ERCC6L: variants seen among roughly 807,000 people sequenced by gnomAD.
The protein encoded by ERCC6L is DNA excision repair protein ERCC-6-like.
In ERCC6L, 7 loss-of-function variants were observed where a neutral mutation model predicts 20.1. The observed-to-expected ratio is 0.35, with a 90% CI of 0.20 to 0.65. The LOEUF (loss-of-function observed/expected upper bound fraction) is 0.65, where lower values mean the gene tolerates loss of function less well. Ranked by LOEUF, ERCC6L falls within the 30% of genes least tolerant of loss-of-function variation. ERCC6L has a pLI of 0.69. For synonymous variants in ERCC6L, 278 were observed against 331.3 expected, an observed-to-expected ratio of 0.84 and a Z score of 1.75; for missense variants, 592 against 892.4, an observed-to-expected ratio of 0.66 and a Z score of 4.29.
At chrX:72,226,266 T>C (rs2042953128) in intron 1 of ERCC6L, among the ~76,000 whole-genome samples, 1 of 111,516 alleles carries the variant, frequency 9.0e-6, no homozygotes, top group Non-Finnish European at 1.9e-5. Flanking sequence ...CCCAGATTGG[T>C]TTATAGATGG....
intron 1 of ERCC6L, among the ~76,000 whole-genome samples, chrX:72,209,945 T>C (rs1038841980): frequency 2.7e-5 from 3 of 110,682 alleles, no homozygotes; most frequent in Non-Finnish European, 5.7e-5. Context: ...AAATGGATCA[T>C]AGATCTAAAT....
At chrX:72,220,315 C>G (rs113914912) in intron 1 of ERCC6L, among the ~76,000 whole-genome samples, 13,238 of 111,052 alleles carry the variant, frequency 0.12, 1,037 homozygotes, top group East Asian at 0.48. Context: ...TCCTGTTAGA[C>G]TTTCTATTAT....
At position 72,238,926 on chromosome X, in the gene ERCC6L, G is replaced by A; in HGVS notation, c.-15C>T. 1 of 1,182,614 alleles carries A rather than the reference G, an allele frequency of 8.5e-7. No homozygotes were observed. On this transcript the variant is annotated 5_prime_UTR_variant, in exon 1 of 2. Transcript: ENST00000334463. ...GATGCCTCCATGACCCTCGGATTGG[G>A]TTCCAGTTACCCCGGCGGGAGTTTG...
At chrX:72,216,351 C>T (rs1289214318) in intron 1 of ERCC6L, among the ~76,000 whole-genome samples, 1 of 111,621 alleles carries the variant, frequency 9.0e-6, no homozygotes, top group Non-Finnish European at 1.9e-5. Flanking sequence ...AAAAAGAAAC[C>T]AACCCTGCTG....
intron 1 of ERCC6L, among the ~76,000 whole-genome samples, chrX:72,212,747 C>A (rs1488090608): frequency 1.8e-5 from 2 of 111,732 alleles, no homozygotes; most frequent in Non-Finnish European, 3.8e-5. Flanking sequence ...TTGAGACTAG[C>A]CTGGGCAACA....
intron 1 of ERCC6L, among the ~76,000 whole-genome samples, chrX:72,229,395 T>C (rs976865323): frequency 8.9e-6 from 1 of 111,894 alleles, no homozygotes; most frequent in African/African-American, 3.2e-5. Flanking sequence ...CCTTTTTCCA[T>C]GGCTCAATAT....
intron 1 of ERCC6L, among the ~76,000 whole-genome samples, chrX:72,215,645 TACAAAA>T (rs1318063930): frequency 6.3e-5 from 7 of 111,554 alleles, no homozygotes; most frequent in African/African-American, 2.3e-4. Flanking sequence ...TTTGAAGGCA[TACAAAA>T]AGCAAGATTC....
In ERCC6L at chrX:72,206,856, T is replaced by C. The variant is rs2042823602; in HGVS notation, c.1911A>G (p.Val637=). Residue 637 remains valine (V), a synonymous_variant, in exon 2 of 2, where the codon GTA becomes GTG. Transcript: ENST00000334463. ...GCAAAGACTGAAGCTGCAGCTGGGTTACAGAGTTCTGAAGATCCTCGATTG... is the reference window on the plus strand; with the variant it reads ...GCAAAGACTGAAGCTGCAGCTGGGTCACAGAGTTCTGAAGATCCTCGATTG... ...LFTIEDLQNS[V]TQLQLQSLHA... The C allele has an allele frequency of 8.3e-7, 1 of 1,210,225 alleles. No individual in the cohort carries two copies. Among genetic ancestry groups the C allele is most frequent in the Non-Finnish European group, 1.1e-6 (1 of 895,293 alleles).
chrX:72,231,121 C>G (rs969347372), intron 1 of ERCC6L, among the ~76,000 whole-genome samples: 4 of 112,259 alleles, frequency 3.6e-5, no homozygotes, highest in African/African-American at 1.3e-4. Context: ...TACCTGCACT[C>G]CCGTGTTCAC....
chrX:72,236,189 C>G (rs377587667), intron 1 of ERCC6L, among the ~76,000 whole-genome samples: 1 of 112,294 alleles, frequency 8.9e-6, no homozygotes, highest in Non-Finnish European at 1.9e-5. Context: ...CATGGTGGCT[C>G]ACACCTGTAA....
chrX:72,237,733 C>T (rs1254145731), intron 1 of ERCC6L: 2 of 111,324 alleles, frequency 1.8e-5, no homozygotes, highest in Non-Finnish European at 3.8e-5. Context: ...CGCGCCACTG[C>T]ACTCCAGCCT....
chrX:72,219,210 C>G (rs1460185214), intron 1 of ERCC6L, among the ~76,000 whole-genome samples: 2 of 109,475 alleles, frequency 1.8e-5, no homozygotes, highest in Admixed American at 2.0e-4. Context: ...GAGCAGAGAT[C>G]GCGCCATTGC....
chrX:72,207,562 G>C lies in ERCC6L; in HGVS notation c.1205C>G (p.Ala402Gly). Residue 402 changes from alanine (A) to glycine (G), a missense_variant, in exon 2 of 2, where the codon GCT becomes GGT. By Grantham distance (60) the Ala-to-Gly change is moderately conservative. Transcript: ENST00000334463. ...ELLMETRSPL[A>G]ELGVLKKLCD... ...CAGCTTCTTTAAGACACCTAGCTCA[G>C]CCAAAGGTGAGCGCGTCTCCATTAG... is the stretch of plus-strand genomic sequence containing the variant. 1.7e-6 allele frequency: 2 copies of C among 1,211,490 alleles called. No individual in the cohort carries two copies. The highest frequency in any genetic ancestry group is 2.2e-6 in the Non-Finnish European group (2 of 895,308).
intron 1 of ERCC6L, among the ~76,000 whole-genome samples, chrX:72,212,606 T>C (rs899961915): frequency 2.7e-5 from 3 of 111,982 alleles, no homozygotes; most frequent in African/African-American, 6.5e-5. Context: ...TTCCTTGCTA[T>C]GGAGGGCCCT....
At chrX:72,211,942 G>C (rs1168215252) in intron 1 of ERCC6L, among the ~76,000 whole-genome samples, 2 of 111,336 alleles carry the variant, frequency 1.8e-5, no homozygotes, top group African/African-American at 6.5e-5. Context: ...CCCACCTAAA[G>C]GTCTCTCTAT....
Position 72,207,897 on chromosome X carries a change from A to G in ERCC6L, c.870T>C (p.Tyr290=), listed in dbSNP as rs749073988. 2.5e-6 allele frequency: 3 copies of G among 1,211,043 alleles called. No homozygotes were observed. The highest frequency in any genetic ancestry group is 3.5e-5 in the South Asian group (2 of 56,873). ...CTCTTGCTCTAGTAATAGGATTTTC[A>G]TACTCCATCTTAAAAGTTTTTAATG... ...LGTLKTFKME[Y]ENPITRAREK... The change falls in exon 2 of 2, where the codon TAT becomes TAC. Residue 290 remains tyrosine (Y), a synonymous_variant. Transcript: ENST00000334463.
At chrX:72,210,970 T>C (rs2042850848) in intron 1 of ERCC6L, among the ~76,000 whole-genome samples, 2 of 111,788 alleles carry the variant, frequency 1.8e-5, no homozygotes, top group South Asian at 7.4e-4. Flanking sequence ...TGGTATTCTT[T>C]CCCTACAATG....
In ERCC6L at chrX:72,239,022, G is replaced by A. The variant is rs1181135960; in HGVS notation, c.-111C>T. On this transcript the variant is annotated 5_prime_UTR_variant, in exon 1 of 2. Coordinates refer to ENST00000334463, the MANE Select transcript of ERCC6L (RefSeq NM_017669.4). ...CTTGAATTTCGCTCACTCCCGCCCC[G>A]CGCATGCTCTGTGCGCCGTGGAGAG... 1 of 785,146 alleles carries A rather than the reference G, an allele frequency of 1.3e-6. No individual in the cohort carries two copies. The highest frequency in any genetic ancestry group is 2.5e-5 in the South Asian group (1 of 39,715). 64.7% of individuals were successfully genotyped at this position (785,146 alleles called of 1,213,427 possible). A position where few individuals can be genotyped will look rare whatever the true frequency, so the allele number is the denominator to read the frequency against.
In ERCC6L at chrX:72,239,025, C is replaced by A; in HGVS notation, c.-114G>T. 2.6e-6 allele frequency: 2 copies of A among 775,422 alleles called. No individual in the cohort carries two copies. The highest frequency in any genetic ancestry group is 5.5e-5 in the Admixed American group (2 of 36,630). 63.9% of individuals were successfully genotyped at this position (775,422 alleles called of 1,213,427 possible). A position where few individuals can be genotyped will look rare whatever the true frequency, so the allele number is the denominator to read the frequency against. On this transcript the variant is annotated 5_prime_UTR_variant, in exon 1 of 2. An upstream start codon of the reference 5' UTR is lost. Transcript: ENST00000334463. ...GAATTTCGCTCACTCCCGCCCCGCG[C>A]ATGCTCTGTGCGCCGTGGAGAGGGA...
Sources: allele counts gnomAD v4.1 joint callset (sites outside exome capture counted in the v4.1 genomes callset), GRCh38; gene constraint gnomAD v4.1.1; transcripts MANE v1.5; gene names NCBI Gene and HGNC (gene_info 2026-07-23, HGNC 2026-07-21).